Variants in EYA3 observed in about 807,000 individuals in gnomAD.
EYA3 encodes EYA transcriptional coactivator and phosphatase 3, also known as protein phosphatase EYA3.
In EYA3, 39 loss-of-function variants were observed where a neutral mutation model predicts 80.0. The ratio of observed to expected loss-of-function variants is 0.49; its 90% CI spans 0.38 to 0.64. The LOEUF is 0.64. EYA3 is among the 30% of genes least tolerant of loss of function. EYA3 has a pLI of 0.00. For missense variants in EYA3, 523 were observed against 676.1 expected (o/e 0.77, Z 2.51); for synonymous variants, 206 against 232.8 (o/e 0.88, Z 1.05).
chr1:28,053,502 C>T (rs927420019), intron 2 of EYA3, among the ~76,000 whole-genome samples: 1 of 152,060 alleles, frequency 6.6e-6, no homozygotes, highest in Non-Finnish European at 1.5e-5. Context: ...TCAGAATATC[C>T]AGGCTCAAGG....
At chr1:28,034,751 A>T (rs1261574815) in intron 6 of EYA3, among the ~76,000 whole-genome samples, 1 of 152,112 alleles carries the variant, frequency 6.6e-6, no homozygotes, top group African/African-American at 2.4e-5. Context: ...TGTCTGGAAA[A>T]TTTTTCTAAT....
At chr1:28,002,931 C>T (rs1370686248) in intron 11 of EYA3, among the ~76,000 whole-genome samples, 2 of 151,788 alleles carry the variant, frequency 1.3e-5, no homozygotes, top group African/African-American at 4.8e-5. Flanking sequence ...TCCAGCCTTG[C>T]CAACATGGTA....
At chr1:27,984,893 T>C (rs1174473895) in intron 16 of EYA3, among the ~76,000 whole-genome samples, 1 of 152,150 alleles carries the variant, frequency 6.6e-6, no homozygotes, top group East Asian at 1.9e-4. Flanking sequence ...TCTCTCTCAT[T>C]TACTAATAAG....
intron 13 of EYA3, among the ~76,000 whole-genome samples, chr1:27,997,027 C>T (rs980705231): frequency 1.3e-5 from 2 of 152,172 alleles, no homozygotes; most frequent in Non-Finnish European, 2.9e-5. Context: ...TGGCTTGCTA[C>T]CCATTCTTTA....
intron 1 of EYA3, among the ~76,000 whole-genome samples, chr1:28,074,571 G>A (rs1464606476): frequency 1.3e-5 from 2 of 150,796 alleles, no homozygotes; most frequent in African/African-American, 2.4e-5. Context: ...CTGGAGTGCA[G>A]TGGCAATTGT....
At chr1:28,020,735 T>C (rs1642382876) in intron 7 of EYA3, among the ~76,000 whole-genome samples, 1 of 146,698 alleles carries the variant, frequency 6.8e-6, no homozygotes, top group African/African-American at 2.5e-5. Flanking sequence ...TAATATTCAA[T>C]TGCAGGTTTA....
At chr1:28,067,372 AT>A (rs1257209889) in intron 1 of EYA3, among the ~76,000 whole-genome samples, 4 of 152,240 alleles carry the variant, frequency 2.6e-5, no homozygotes, top group Non-Finnish European at 4.4e-5. Context: ...TAGTTTAATA[AT>A]AGCTTACATA....
At chr1:28,008,372 TTAAG>T (rs1286820730) in intron 10 of EYA3, among the ~76,000 whole-genome samples, 3 of 151,800 alleles carry the variant, frequency 2.0e-5, no homozygotes, top group African/African-American at 4.8e-5. Context: ...TAACCGTGTA[TTAAG>T]TATTACACCA....
intron 2 of EYA3, among the ~76,000 whole-genome samples, chr1:28,057,672 A>T (rs536029387): frequency 6.6e-6 from 1 of 152,274 alleles, no homozygotes; most frequent in African/African-American, 2.4e-5. Context: ...GGTAAAAACA[A>T]AACTAAATTT....
intron 3 of EYA3, among the ~76,000 whole-genome samples, chr1:28,046,868 G>A (rs1644025769): frequency 6.7e-6 from 1 of 148,796 alleles, no homozygotes; most frequent in Admixed American, 6.7e-5. Context: ...AAATGAGACA[G>A]CATCTTGCTC....
intron 1 of EYA3, among the ~76,000 whole-genome samples, chr1:28,063,923 A>G (rs2148912741): frequency 6.6e-6 from 1 of 152,278 alleles, no homozygotes; most frequent in Non-Finnish European, 1.5e-5. Flanking sequence ...TTGGGGGGGA[A>G]GGTAGAAACA....
At chr1:28,043,132 C>G (rs1643876278) in intron 3 of EYA3, among the ~76,000 whole-genome samples, 1 of 152,090 alleles carries the variant, frequency 6.6e-6, no homozygotes, top group Admixed American at 6.5e-5. Context: ...TGTGAGCCAC[C>G]ACGCCCAGTC....
At chr1:28,000,321 C>CT (rs911573180) in intron 11 of EYA3, among the ~76,000 whole-genome samples, 8 of 148,556 alleles carry the variant, frequency 5.4e-5, no homozygotes, top group Admixed American at 1.3e-4. Flanking sequence ...TTTTTTTTTT[C>CT]TTTTTTTTTG....
chr1:28,061,821 G>C (rs1236151618), intron 1 of EYA3, among the ~76,000 whole-genome samples: 1 of 151,932 alleles, frequency 6.6e-6, no homozygotes, highest in African/African-American at 2.4e-5. Context: ...GGATGATCTC[G>C]ATCTCCTGAC....
intron 6 of EYA3, among the ~76,000 whole-genome samples, chr1:28,034,101 AGTTT>A (rs1366890575): frequency 5.9e-5 from 9 of 151,914 alleles, no homozygotes; most frequent in African/African-American, 2.2e-4. Flanking sequence ...TAATAATAAT[AGTTT>A]AAGGGAAATA....
chr1:27,972,021 A>C lies in EYA3; in HGVS notation c.*2445T>G, dbSNP rs549188342. On this transcript the variant is annotated 3_prime_UTR_variant, in exon 18 of 18. Coordinates refer to ENST00000373871, the MANE Select transcript of EYA3 (RefSeq NM_001990.4). ...AGCTAGGAAGTCAGAGTAAGAGGAA[A>C]AAGGCCAATGATAAAAGTGAGTTCA... is the stretch of plus-strand genomic sequence containing the variant. The C allele has an allele frequency of 6.6e-6, 1 of 152,368 alleles. No homozygotes were observed. The highest frequency in any genetic ancestry group is 2.1e-4 in the South Asian group (1 of 4,828). The allele number at this position is 152,368 out of a possible 1,614,324, so 9.4% of individuals were successfully genotyped here. A position where few individuals can be genotyped will look rare whatever the true frequency, so the allele number is the denominator to read the frequency against.
intron 1 of EYA3, among the ~76,000 whole-genome samples, chr1:28,068,996 AG>A (rs1425945376): frequency 2.0e-5 from 3 of 151,962 alleles, no homozygotes; most frequent in Non-Finnish European, 4.4e-5. Context: ...TAGTAGAAAC[AG>A]GGTTTCACCA....
At chr1:28,020,249 G>GT (rs1356864226) in intron 7 of EYA3, among the ~76,000 whole-genome samples, 1 of 152,130 alleles carries the variant, frequency 6.6e-6, no homozygotes, top group East Asian at 1.9e-4. Context: ...AACAAGTACT[G>GT]TATTAAAATC....
chr1:28,081,856 A>C (rs1645441550), intron 1 of EYA3, among the ~76,000 whole-genome samples: 1 of 152,192 alleles, frequency 6.6e-6, no homozygotes, highest in Admixed American at 6.5e-5. Context: ...TACAATATTA[A>C]ATTTCAGGTG....
Sources: allele counts gnomAD v4.1 joint callset (sites outside exome capture counted in the v4.1 genomes callset), GRCh38; gene constraint gnomAD v4.1.1; transcripts MANE v1.5; gene names NCBI Gene and HGNC (gene_info 2026-07-23, HGNC 2026-07-21).